Variants in KLF8 observed in about 807,000 individuals in gnomAD.
KLF8 encodes Krueppel-like factor 8.
Under a neutral mutation model 18.2 loss-of-function variants are expected in KLF8, and 10 were observed. The ratio of observed to expected loss-of-function variants is 0.55; its 90% CI spans 0.34 to 0.93. KLF8 has a LOEUF of 0.93. KLF8 is among the 40% of genes least tolerant of loss of function. The pLI is 0.02. For synonymous variants in KLF8, 109 were observed against 97.3 expected (o/e 1.12, Z -0.71); for missense variants, 264 against 277.9 (o/e 0.95, Z 0.36).
intron 2 of KLF8, among the ~76,000 whole-genome samples, chrX:56,251,424 CTTTTA>C (rs1232650970): frequency 8.1e-5 from 9 of 110,766 alleles, no homozygotes; most frequent in Non-Finnish European, 1.3e-4. Context: ...ATAATTTCAA[CTTTTA>C]TTTTATTTTT....
At chrX:56,014,143 G>A in the KLF8 span, among the ~76,000 whole-genome samples, 145 of 112,095 alleles carry the variant, frequency 1.3e-3, 1 homozygote, top group African/African-American at 4.5e-3. Flanking sequence ...ATGGGATTCT[G>A]TTAAACTAAA....
chrX:55,967,157 G>A, the KLF8 span, among the ~76,000 whole-genome samples: 1 of 111,435 alleles, frequency 9.0e-6, no homozygotes, highest in Non-Finnish European at 1.9e-5. Flanking sequence ...AAAGTTATTG[G>A]CCTTAAAGGG....
the KLF8 span, among the ~76,000 whole-genome samples, chrX:55,998,173 A>G: frequency 8.0e-5 from 9 of 112,339 alleles, no homozygotes; most frequent in African/African-American, 2.6e-4. Context: ...GTTTTTCCCT[A>G]TCTCAGTAGA....
the KLF8 span, among the ~76,000 whole-genome samples, chrX:56,018,344 C>T: frequency 4.5e-5 from 5 of 111,442 alleles, no homozygotes; most frequent in Admixed American, 2.9e-4. Flanking sequence ...TTTTTATTAA[C>T]TTTAATTCCC....
the KLF8 span, among the ~76,000 whole-genome samples, chrX:56,109,851 C>T: frequency 4.5e-5 from 5 of 110,203 alleles, no homozygotes; most frequent in Admixed American, 9.7e-5. Context: ...TAGATAAACA[C>T]GTGCCATCGT....
the KLF8 span, among the ~76,000 whole-genome samples, chrX:56,059,553 G>A: frequency 1.8e-5 from 2 of 111,998 alleles, no homozygotes; most frequent in Non-Finnish European, 3.8e-5. Context: ...AAGGGGTCCA[G>A]TTTCAGTTTT....
At chrX:56,097,566 G>T in the KLF8 span, among the ~76,000 whole-genome samples, 1 of 105,632 alleles carries the variant, frequency 9.5e-6, no homozygotes, top group East Asian at 3.0e-4. Flanking sequence ...TGTGCGCAAT[G>T]TGCAGGTTAG....
chrX:56,176,358 C>A, the KLF8 span, among the ~76,000 whole-genome samples: 14 of 111,492 alleles, frequency 1.3e-4, no homozygotes, highest in African/African-American at 2.6e-4. Context: ...TCCTTCACTT[C>A]TGAAGCTTAG....
chrX:55,913,538 G>T, the KLF8 span, among the ~76,000 whole-genome samples: 1 of 111,554 alleles, frequency 9.0e-6, no homozygotes, highest in East Asian at 2.8e-4. Context: ...GATGTGAAGA[G>T]ACATGGAGAA....
chrX:55,950,359 A>G, the KLF8 span, among the ~76,000 whole-genome samples: 2 of 111,394 alleles, frequency 1.8e-5, no homozygotes, highest in Non-Finnish European at 3.8e-5. Context: ...CAGTTAGAGT[A>G]TCAGGGAAAG....
chrX:56,221,529 T>C, the KLF8 span, among the ~76,000 whole-genome samples: 69 of 111,489 alleles, frequency 6.2e-4, no homozygotes, highest in Non-Finnish European at 1.2e-3. Flanking sequence ...AAAGGCAGCG[T>C]GTCAGGAGTT....
the KLF8 span, among the ~76,000 whole-genome samples, chrX:56,022,551 C>CAAAAAA: frequency 4.0e-3 from 108 of 27,305 alleles, 9 homozygotes; most frequent in African/African-American, 9.5e-3. Context: ...TCTGTCTGAC[C>CAAAAAA]AAAAAAAAAA....
the KLF8 span, among the ~76,000 whole-genome samples, chrX:56,047,123 T>C: frequency 1.8e-5 from 2 of 110,544 alleles, no homozygotes; most frequent in African/African-American, 6.6e-5. Context: ...GAGCTCTGAG[T>C]TTCATTCTCC....
chrX:55,954,217 C>G, the KLF8 span, among the ~76,000 whole-genome samples: 1 of 110,926 alleles, frequency 9.0e-6, no homozygotes, highest in South Asian at 3.7e-4. Context: ...ATATTTTTCT[C>G]CAACCAGAGA....
the KLF8 span, among the ~76,000 whole-genome samples, chrX:55,950,871 A>G: frequency 5.3e-4 from 60 of 112,169 alleles, no homozygotes; most frequent in African/African-American, 1.9e-3. Flanking sequence ...TGCATAAGGT[A>G]GGCACTTAAT....
chrX:56,051,977 C>A, the KLF8 span, among the ~76,000 whole-genome samples: 1 of 110,368 alleles, frequency 9.1e-6, no homozygotes, highest in African/African-American at 3.3e-5. Context: ...TATTTTTATT[C>A]TTTTTTCTCT....
At chrX:56,120,706 T>A in the KLF8 span, among the ~76,000 whole-genome samples, 1 of 111,346 alleles carries the variant, frequency 9.0e-6, no homozygotes, top group Admixed American at 9.6e-5. Context: ...TTCTTTTGTA[T>A]GAAGGTGAGA....
chrX:56,200,541 T>A, the KLF8 span, among the ~76,000 whole-genome samples: 1 of 109,658 alleles, frequency 9.1e-6, no homozygotes, highest in Admixed American at 9.8e-5. Flanking sequence ...AGAGAAAATA[T>A]CATTCACATT....
At chrX:56,041,277 C>T in the KLF8 span, among the ~76,000 whole-genome samples, 8 of 109,935 alleles carry the variant, frequency 7.3e-5, no homozygotes, top group Non-Finnish European at 1.5e-4. Flanking sequence ...GTGTGCGCCA[C>T]TATGCCCAGC....
Sources: allele counts gnomAD v4.1 joint callset (sites outside exome capture counted in the v4.1 genomes callset), GRCh38; gene constraint gnomAD v4.1.1; transcripts MANE v1.5; gene names NCBI Gene and HGNC (gene_info 2026-07-23, HGNC 2026-07-21).